Variants in RERE observed in about 807,000 individuals in gnomAD.
The protein encoded by RERE is arginine-glutamic acid dipeptide repeats protein.
RERE carries 40 observed loss-of-function variants against 146.1 expected under a neutral mutation model. That is an observed-to-expected ratio of 0.27 (90% CI 0.21 to 0.36). The LOEUF is 0.36. Among genes scored for constraint, RERE ranks in the 10% least tolerant of loss-of-function variants. The pLI, the probability that RERE is intolerant of heterozygous loss-of-function variation, is 1.00. For synonymous variants in RERE, 1,003 were observed against 866.0 expected (o/e 1.16, Z -2.78); for missense variants, 1,933 against 2,138.7 (o/e 0.90, Z 1.90).
chr1:8,392,282 G>T (rs945134019), intron 12 of RERE, among the ~76,000 whole-genome samples: 1 of 152,094 alleles, frequency 6.6e-6, no homozygotes, highest in Non-Finnish European at 1.5e-5. Context: ...GAGGGCATTT[G>T]TAAGAAATAG....
chr1:8,395,883 G>A (rs955757993), intron 12 of RERE, among the ~76,000 whole-genome samples: 2 of 152,124 alleles, frequency 1.3e-5, no homozygotes, highest in Non-Finnish European at 2.9e-5. Flanking sequence ...AGTGCCCAAG[G>A]AACACGGGAG....
chr1:8,701,583 T>C (rs1053717453), intron 1 of RERE, among the ~76,000 whole-genome samples: 7 of 152,178 alleles, frequency 4.6e-5, no homozygotes, highest in Non-Finnish European at 1.0e-4. Context: ...CGCAGATGCA[T>C]TGCTTTCATC....
intron 2 of RERE, among the ~76,000 whole-genome samples, chr1:8,651,400 ACTCT>A (rs1051589625): frequency 2.0e-5 from 3 of 151,594 alleles, no homozygotes; most frequent in African/African-American, 7.3e-5. Flanking sequence ...ACAGAGTGAG[ACTCT>A]CTGTTTTTTT....
chr1:8,363,800 G>T (rs907286104), intron 15 of RERE: 4 of 545,700 alleles, frequency 7.3e-6, no homozygotes, highest in Non-Finnish European at 9.8e-6. Context: ...GGGCCTTGGA[G>T]AGCCTGCACT....
chr1:8,362,924 A>T, intron 15 of RERE, 80 bp from the exon 16 acceptor site: 1 of 1,494,310 alleles, frequency 6.7e-7, no homozygotes, highest in Admixed American at 1.9e-5. Flanking sequence ...CCACAGGCAG[A>T]AGCCTGAAGG....
chr1:8,579,271 A>G (rs1646334554), intron 4 of RERE, among the ~76,000 whole-genome samples: 1 of 152,228 alleles, frequency 6.6e-6, no homozygotes, highest in African/African-American at 2.4e-5. Flanking sequence ...TGTGTTCAGA[A>G]AAGCTTTTAC....
At position 8,530,761 on chromosome 1, in the gene RERE, G is replaced by A. The variant is rs570673751; in HGVS notation, c.830+10453C>T. ...CTGCGGACTGCAGTGGCGCAATCTC[G>A]GCTCACTGCAAGCTCCGCTTCCCGG... On this transcript the variant is annotated intron_variant, in intron 7 of 22. Coordinates refer to ENST00000400908, the MANE Select transcript of RERE (RefSeq NM_001042681.2). 7.4e-5 allele frequency among the ~76,000 whole-genome samples: 10 copies of A among 135,778 alleles called. No homozygotes were observed. The East Asian group carries it at 1.5e-3, about 20-fold the overall frequency. The allele number at this position is 135,778 out of a possible 152,430, so 89.1% of individuals were successfully genotyped here.
chr1:8,652,711 T>C (rs1647688375), intron 2 of RERE, among the ~76,000 whole-genome samples: 1 of 152,200 alleles, frequency 6.6e-6, no homozygotes, highest in South Asian at 2.1e-4. Context: ...CTCACTATCA[T>C]AAGAACATGA....
chr1:8,800,370 G>A (rs545995476), intron 1 of RERE, among the ~76,000 whole-genome samples: 2 of 151,182 alleles, frequency 1.3e-5, no homozygotes, highest in Non-Finnish European at 3.0e-5. Context: ...TTATTTAAAT[G>A]TGTTTTAAAA....
chr1:8,667,613 G>A (rs1179779434), intron 1 of RERE, among the ~76,000 whole-genome samples: 1 of 152,148 alleles, frequency 6.6e-6, no homozygotes, highest in Non-Finnish European at 1.5e-5. Flanking sequence ...AGAGGCAGAG[G>A]TTGCAGTGAG....
At chr1:8,459,497 A>G (rs1644499052) in intron 11 of RERE, among the ~76,000 whole-genome samples, 1 of 152,236 alleles carries the variant, frequency 6.6e-6, no homozygotes, top group Admixed American at 6.5e-5. Context: ...CATTGTATCT[A>G]TATTTTGGGT....
At chr1:8,416,571 G>A (rs1338305864) in intron 12 of RERE, among the ~76,000 whole-genome samples, 2 of 135,074 alleles carry the variant, frequency 1.5e-5, no homozygotes, top group Middle Eastern at 7.3e-3. Flanking sequence ...GGGCGACAGA[G>A]CGAGACTCCA....
At chr1:8,511,379 G>A (rs1645333169) in intron 7 of RERE, among the ~76,000 whole-genome samples, 1 of 152,136 alleles carries the variant, frequency 6.6e-6, no homozygotes, top group East Asian at 1.9e-4. Flanking sequence ...ATCCCTCTTT[G>A]CAACAAAAGT....
chr1:8,540,244 G>A (rs1368697498), intron 7 of RERE, among the ~76,000 whole-genome samples: 1 of 152,026 alleles, frequency 6.6e-6, no homozygotes, highest in African/African-American at 2.4e-5. Flanking sequence ...CACAGGTGCA[G>A]CCCACCACGT....
Position 8,500,453 on chromosome 1 carries a change from C to A in RERE, c.880-2924G>T, listed in dbSNP as rs549146434. 9.2e-5 allele frequency among the ~76,000 whole-genome samples: 14 copies of A among 152,362 alleles called. No homozygotes were observed. The South Asian group carries it at 1.9e-3, about 20-fold the overall frequency. On this transcript the variant is annotated intron_variant, in intron 8 of 22. Coordinates refer to ENST00000400908, the MANE Select transcript of RERE (RefSeq NM_001042681.2). ...GTCTCAGCTCCTGACCGCGAGTGAT[C>A]CGCCAGCCTCGGCCTCCCGAGGTGC...
chr1:8,749,141 G>A (rs944472504), intron 1 of RERE, among the ~76,000 whole-genome samples: 3 of 152,084 alleles, frequency 2.0e-5, no homozygotes, highest in African/African-American at 7.2e-5. Flanking sequence ...AAGAGCTGGA[G>A]GAGTTAAGTA....
intron 8 of RERE, among the ~76,000 whole-genome samples, chr1:8,506,932 A>G (rs1239383006): frequency 6.6e-6 from 1 of 152,218 alleles, no homozygotes; most frequent in African/African-American, 2.4e-5. Flanking sequence ...AAAAAAGTGT[A>G]TCTTAGAATT....
At chr1:8,380,798 C>T (rs1248559508) in intron 12 of RERE, 1 of 456,652 alleles carries the variant, frequency 2.2e-6, no homozygotes, top group East Asian at 6.9e-5. Flanking sequence ...AGCCCAGGAG[C>T]CCCTCTGCTG....
At chr1:8,355,250 C>A in intron 22 of RERE, 130 bp from the exon 23 acceptor site, 1 of 1,168,736 alleles carries the variant, frequency 8.6e-7, no homozygotes, top group South Asian at 1.3e-5. Flanking sequence ...TGTAGCTGAC[C>A]TACCCTCCCA....
Sources: allele counts gnomAD v4.1 joint callset (sites outside exome capture counted in the v4.1 genomes callset), GRCh38; gene constraint gnomAD v4.1.1; transcripts MANE v1.5; gene names NCBI Gene and HGNC (gene_info 2026-07-23, HGNC 2026-07-21).